Variants in PCDH15 observed in about 807,000 individuals in gnomAD.
PCDH15 encodes the protein protocadherin-15.
A neutral mutation model predicts 178.5 loss-of-function variants in PCDH15; 129 were observed. That is an observed-to-expected ratio of 0.72 (90% confidence interval 0.63 to 0.84). The LOEUF is 0.84. Ranked by LOEUF, PCDH15 falls within the 40% of genes least tolerant of loss-of-function variation. The pLI is 0.00. For missense variants in PCDH15, 2,230 were observed against 2,099.9 expected (o/e 1.06, Z -1.21); for synonymous variants, 800 against 732.0 (o/e 1.09, Z -1.50).
chr10:55,391,156 C>T lies in PCDH15; in HGVS notation c.-155-224505G>A, dbSNP rs562193270. On this transcript the variant is annotated intron_variant, in intron 2 of 5. Coordinates refer to the PCDH15 transcript ENST00000613346. ...TGTTTAGTGTAGCCACACTTATCAA[C>T]TATCTTAGCTAGATCATCTGGATAA... 1.4e-4 allele frequency among the ~76,000 whole-genome samples: 21 copies of T among 152,244 alleles called. No individual in the cohort carries two copies. In the South Asian group the frequency reaches 4.1e-3, roughly 30 times the overall value.
intron 2 of PCDH15, among the ~76,000 whole-genome samples, chr10:54,577,933 C>T (rs539078621): frequency 2.2e-4 from 34 of 152,052 alleles, no homozygotes; most frequent in African/African-American, 7.5e-4. Context: ...TTCCCCTTAT[C>T]CCTGATGAGT....
rs545630382 is a variant in PCDH15, at chr10:54,768,843, T to TGTAA, written c.-29+32081_-29+32082insTTAC. ...ATGCCACTTGTAAAGTGATCTGCAT[T>TGTAA]AGCACAGTCCTGAGCTGTCTTTAGT... On this transcript the variant is annotated intron_variant, in intron 1 of 37. Coordinates refer to ENST00000644397, the MANE Select transcript of PCDH15 (RefSeq NM_001384140.1). Among the ~76,000 whole-genome samples the TGTAA allele has an allele frequency of 9.8e-3, 1,493 of 152,234 alleles. 23 individuals carry two copies. The highest frequency in any genetic ancestry group is 0.056 in the East Asian group (287 of 5,162).
intron 29 of PCDH15, among the ~76,000 whole-genome samples, chr10:53,837,450 G>A (rs2077371959): frequency 6.6e-6 from 1 of 152,090 alleles, no homozygotes; most frequent in East Asian, 1.9e-4. Context: ...TTCCAGTCCT[G>A]TCTATGCATT....
At chr10:53,930,198 C>T (rs970550810) in intron 25 of PCDH15, among the ~76,000 whole-genome samples, 2 of 151,494 alleles carry the variant, frequency 1.3e-5, no homozygotes, top group Non-Finnish European at 2.9e-5. Flanking sequence ...GTGGTTCACG[C>T]CTGTAATCCC....
At chr10:54,687,984 G>A (rs1199614826) in intron 1 of PCDH15, among the ~76,000 whole-genome samples, 1 of 151,904 alleles carries the variant, frequency 6.6e-6, no homozygotes, top group East Asian at 1.9e-4. Context: ...TATAGTCAAA[G>A]ATTATACACT....
rs139704436 is a variant in PCDH15, at chr10:55,273,789, A to C, written c.-156+45810T>G. On this transcript the variant is annotated intron_variant, in intron 1 of 5. Transcript: ENST00000458638. ...TGTGTATATTCTCACGTACTTGAGG[A>C]AGAAGAAAATCACTTGCCAAATAAG... 8.5e-3 allele frequency among the ~76,000 whole-genome samples: 1,293 copies of C among 152,214 alleles called. 23 individuals are homozygous for C. The highest frequency in any genetic ancestry group is 0.029 in the African/African-American group (1,193 of 41,474).
At chr10:54,782,881 G>A (rs1029370152) in intron 1 of PCDH15, among the ~76,000 whole-genome samples, 1 of 152,030 alleles carries the variant, frequency 6.6e-6, no homozygotes, top group Admixed American at 6.6e-5. Context: ...GTTAATTGAA[G>A]TCAGAGAAAT....
intron 28 of PCDH15, among the ~76,000 whole-genome samples, chr10:53,854,992 T>G (rs1183912205): frequency 6.6e-6 from 1 of 152,052 alleles, no homozygotes; most frequent in African/African-American, 2.4e-5. Flanking sequence ...ATTAAAATCT[T>G]ATAAATTCCT....
intron 2 of PCDH15, among the ~76,000 whole-genome samples, chr10:55,074,987 G>T (rs1184758526): frequency 6.6e-6 from 1 of 152,072 alleles, no homozygotes; most frequent in African/African-American, 2.4e-5. Context: ...TTTCCCTATT[G>T]CTTGTTTTAG....
At chr10:54,098,606 A>G (rs1383373807) in intron 15 of PCDH15, among the ~76,000 whole-genome samples, 2 of 152,152 alleles carry the variant, frequency 1.3e-5, no homozygotes, top group African/African-American at 4.8e-5. Context: ...GCCTAAATTG[A>G]ACTTAAAGAA....
chr10:55,041,172 T>G (rs565701317), intron 2 of PCDH15, among the ~76,000 whole-genome samples: 1 of 152,282 alleles, frequency 6.6e-6, no homozygotes, highest in East Asian at 1.9e-4. Context: ...GCATTTCTAT[T>G]TTACATATCA....
intron 2 of PCDH15, among the ~76,000 whole-genome samples, chr10:55,558,833 A>G (rs1403868790): frequency 1.3e-5 from 2 of 152,058 alleles, no homozygotes; most frequent in Non-Finnish European, 2.9e-5. Context: ...GTAGTCTTTT[A>G]GTATTGCCTA....
At chr10:54,608,269 A>C (rs996324496) in intron 2 of PCDH15, among the ~76,000 whole-genome samples, 36 of 151,454 alleles carry the variant, frequency 2.4e-4, no homozygotes, top group African/African-American at 8.5e-4. Context: ...GGAGTTTAGG[A>C]CGAGCATGGG....
chr10:54,445,726 T>G (rs1259881518), intron 3 of PCDH15, among the ~76,000 whole-genome samples: 2 of 151,596 alleles, frequency 1.3e-5, no homozygotes, highest in African/African-American at 4.8e-5. Flanking sequence ...AATTTTTTTC[T>G]TATATTTTTC....
At chr10:55,584,983 C>T (rs1032646381) in intron 2 of PCDH15, among the ~76,000 whole-genome samples, 1 of 149,970 alleles carries the variant, frequency 6.7e-6, no homozygotes, top group Non-Finnish European at 1.5e-5. Flanking sequence ...TTAAGTAAAC[C>T]CTTCTTGCTC....
chr10:54,235,449 G>A (rs2054532508), intron 9 of PCDH15, among the ~76,000 whole-genome samples: 1 of 152,054 alleles, frequency 6.6e-6, no homozygotes, highest in Non-Finnish European at 1.5e-5. Flanking sequence ...AATTATCCAA[G>A]TCTGTTATTA....
chr10:54,344,670 T>C lies in PCDH15; in HGVS notation c.594+1695A>G, dbSNP rs529997786. On this transcript the variant is annotated intron_variant, in intron 6 of 37. Coordinates refer to ENST00000644397, the MANE Select transcript of PCDH15 (RefSeq NM_001384140.1). ...ACGTACAATTAATTCTTTAAAAAAATACCTAAAGAGCAAACAAAATAAATG... is the reference window on the plus strand; with the variant it reads ...ACGTACAATTAATTCTTTAAAAAAACACCTAAAGAGCAAACAAAATAAATG... 2.0e-5 allele frequency among the ~76,000 whole-genome samples: 3 copies of C among 152,102 alleles called. No individual in the cohort carries two copies. In the South Asian group the frequency reaches 6.2e-4, roughly 32 times the overall value.
intron 1 of PCDH15, among the ~76,000 whole-genome samples, chr10:55,240,938 C>T (rs1841524541): frequency 1.3e-5 from 2 of 152,068 alleles, no homozygotes; most frequent in Admixed American, 1.3e-4. Context: ...GTTTTAAGAC[C>T]GGGCACGGTG....
chr10:54,867,119 A>T (rs1953956460), intron 3 of PCDH15, among the ~76,000 whole-genome samples: 2 of 152,192 alleles, frequency 1.3e-5, no homozygotes, highest in Non-Finnish European at 2.9e-5. Flanking sequence ...TGGTATTACT[A>T]CAATAGGCAG....
Sources: allele counts gnomAD v4.1 joint callset (sites outside exome capture counted in the v4.1 genomes callset), GRCh38; gene constraint gnomAD v4.1.1; transcripts MANE v1.5; gene names NCBI Gene and HGNC (gene_info 2026-07-23, HGNC 2026-07-21).